The following FNDC3A variants were observed in gnomAD, a reference collection of about 807,000 sequenced individuals.
FNDC3A encodes the protein fibronectin type III domain containing 3A.
In FNDC3A, 32 loss-of-function variants were observed where a neutral mutation model predicts 148.9. The ratio of observed to expected loss-of-function variants is 0.21; its 90% CI spans 0.16 to 0.29. The LOEUF (loss-of-function observed/expected upper bound fraction) is 0.29. FNDC3A is among the 10% of genes least tolerant of loss of function. The probability of loss-of-function intolerance (pLI) is 1.00; values close to 1 mark genes in which losing one functional copy is unlikely to be tolerated. For synonymous variants in FNDC3A, 472 were observed against 473.6 expected (o/e 1.00, Z 0.04); for missense variants, 1,191 against 1,452.8 (o/e 0.82, Z 2.93).
intron 1 of FNDC3A, among the ~76,000 whole-genome samples, chr13:48,996,243 G>A (rs952037942): frequency 2.6e-5 from 4 of 152,110 alleles, no homozygotes; most frequent in Non-Finnish European, 5.9e-5. Context: ...TGATACAGTT[G>A]CTACTGTAAT....
At chr13:49,054,327 A>T (rs1219858206) in intron 2 of FNDC3A, among the ~76,000 whole-genome samples, 1 of 152,198 alleles carries the variant, frequency 6.6e-6, no homozygotes, top group Non-Finnish European at 1.5e-5. Context: ...ATTCATTTCC[A>T]TTAAAAAGAA....
chr13:49,160,940 T>G (rs1272882193), intron 8 of FNDC3A, among the ~76,000 whole-genome samples: 1 of 152,238 alleles, frequency 6.6e-6, no homozygotes, highest in Non-Finnish European at 1.5e-5. Flanking sequence ...TTGAGTGAGT[T>G]TCTTAATCCT....
chr13:49,105,106 GT>G (rs1188147245), intron 3 of FNDC3A, among the ~76,000 whole-genome samples: 2 of 152,136 alleles, frequency 1.3e-5, no homozygotes, highest in Non-Finnish European at 2.9e-5. Context: ...AGACTACCCA[GT>G]AGAAGAATAG....
At chr13:49,017,320 CTCT>C (rs1166546229) in intron 2 of FNDC3A, among the ~76,000 whole-genome samples, 1 of 152,150 alleles carries the variant, frequency 6.6e-6, no homozygotes, top group Non-Finnish European at 1.5e-5. Context: ...GGATAGTTAG[CTCT>C]TCTTGTTGAA....
chr13:49,017,756 T>C (rs968100571), intron 2 of FNDC3A, among the ~76,000 whole-genome samples: 5 of 152,110 alleles, frequency 3.3e-5, no homozygotes, highest in Non-Finnish European at 5.9e-5. Flanking sequence ...TTCCTTTCCA[T>C]GTTTAGCGCT....
intron 8 of FNDC3A, among the ~76,000 whole-genome samples, chr13:49,156,448 C>A (rs1414778439): frequency 6.6e-6 from 1 of 151,038 alleles, no homozygotes; most frequent in Non-Finnish European, 1.5e-5. Flanking sequence ...GAATACAGCA[C>A]ACTGATGGGT....
In FNDC3A at chr13:49,178,660, C is replaced by T. The variant is rs375316102; in HGVS notation, c.1617+6C>T. On this transcript the variant is annotated splice_donor_region_variant and intron_variant, in intron 14 of 25. Coordinates refer to ENST00000492622, the MANE Select transcript of FNDC3A (RefSeq NM_001079673.2). Reference sequence around the variant, plus strand: ...GTACTAAGTATAAATTTAAGGTAAGCTTTGAAAACCCTTAAACGATTTGTT... The same window carrying T: ...GTACTAAGTATAAATTTAAGGTAAGTTTTGAAAACCCTTAAACGATTTGTT... 1.4e-4 allele frequency: 199 copies of T among 1,460,002 alleles called. No homozygotes were observed. The highest frequency in any genetic ancestry group is 1.8e-4 in the Non-Finnish European group (195 of 1,069,326). 90.4% of individuals were successfully genotyped at this position (1,460,002 alleles called of 1,614,324 possible).
chr13:49,136,714 C>G, intron 6 of FNDC3A, 113 bp downstream of exon 6: 4 of 1,014,172 alleles, frequency 3.9e-6, no homozygotes, highest in Non-Finnish European at 5.7e-6. Flanking sequence ...TAGACTGTTA[C>G]AGGCTGCTGC....
At chr13:49,196,257 G>A (rs190620284) in intron 19 of FNDC3A, among the ~76,000 whole-genome samples, 98 of 152,188 alleles carry the variant, frequency 6.4e-4, no homozygotes, top group African/African-American at 2.0e-3. Context: ...AATGAGCTTT[G>A]AAAAATTGAT....
intron 16 of FNDC3A, among the ~76,000 whole-genome samples, chr13:49,188,260 A>G (rs79256820): frequency 2.0e-5 from 3 of 152,366 alleles, no homozygotes; most frequent in African/African-American, 7.2e-5. Flanking sequence ...AATTAAAAGT[A>G]AATTATCAAT....
rs74605853 is a variant in FNDC3A, at chr13:49,026,455, T to C, written c.99+20166T>C. ...GATAAAAATATTAAAGACATGCCAT[T>C]AGGCATTACAGACAGGGTAGTTGCT... On this transcript the variant is annotated intron_variant, in intron 2 of 25. Transcript: ENST00000492622. Among the ~76,000 whole-genome samples the C allele has an allele frequency of 3.1e-3, 471 of 152,352 alleles. 29 individuals are homozygous for C. The East Asian group carries it at 0.08, about 26-fold the overall frequency.
intron 2 of FNDC3A, among the ~76,000 whole-genome samples, chr13:49,007,464 C>G (rs1952242704): frequency 6.6e-6 from 1 of 151,992 alleles, no homozygotes. Flanking sequence ...TTGAGGTTGT[C>G]CAAGTGTCTT....
At chr13:48,991,370 A>G (rs1454560364) in intron 1 of FNDC3A, among the ~76,000 whole-genome samples, 2 of 152,200 alleles carry the variant, frequency 1.3e-5, no homozygotes, top group East Asian at 3.8e-4. Flanking sequence ...TTAAGAGGGC[A>G]TGCAATTATA....
intron 3 of FNDC3A, among the ~76,000 whole-genome samples, chr13:49,113,077 A>G (rs921486148): frequency 1.4e-4 from 13 of 95,588 alleles, no homozygotes; most frequent in African/African-American, 4.2e-4. Context: ...CCTTTCTCCT[A>G]TTTCTCCACA....
rs575822416 is a variant in FNDC3A at position 49,187,563 on chromosome 13, C to T, written c.1825+373C>T. 58 of 1,610,642 alleles carry T rather than the reference C, an allele frequency of 3.6e-5. No homozygotes were observed. In the African/African-American group the frequency reaches 5.8e-4, roughly 16 times the overall value. ...AGTACAAACACATCTTAGCTAGTAACGACCACTTGTTTTCCACTGAAAATG... is the reference window on the plus strand; with the variant it reads ...AGTACAAACACATCTTAGCTAGTAATGACCACTTGTTTTCCACTGAAAATG... On this transcript the variant is annotated intron_variant, in intron 16 of 25. Transcript: ENST00000492622.
intron 2 of FNDC3A, among the ~76,000 whole-genome samples, chr13:49,012,122 A>AT (rs879876451): frequency 4.5e-3 from 659 of 147,786 alleles, no homozygotes; most frequent in Non-Finnish European, 7.2e-3. Context: ...TTATTTATGG[A>AT]TTTTTTTTTT....
chr13:49,198,039 C>T lies in FNDC3A; in HGVS notation c.2548C>T (p.Pro850Ser), dbSNP rs374030195. 12 of 1,614,112 alleles carry T rather than the reference C, an allele frequency of 7.4e-6. No individual in the cohort carries two copies. The highest frequency in any genetic ancestry group is 1.0e-5 in the Non-Finnish European group (12 of 1,179,992). ...TGAAGTAGTAGCCTGTGTGACTCCA[C>T]CATCAGTTCCTGGCATTGTGACCTG... Reference protein sequence around the residue: ...FSEVVACVTPPSVPGIVTCLQ... With the variant: ...FSEVVACVTPSSVPGIVTCLQ... Residue 850 changes from proline (P) to serine (S), a missense_variant, in exon 22 of 26, where the codon CCA becomes TCA. Transcript: ENST00000492622.
intron 1 of FNDC3A, among the ~76,000 whole-genome samples, chr13:48,989,462 T>G (rs1257011092): frequency 6.6e-6 from 1 of 152,194 alleles, no homozygotes. Context: ...TTGAACATGT[T>G]AAATAGAGAT....
rs368037207 is a variant in FNDC3A, at chr13:48,981,163, C to CT, written c.-40+4993dup. The stretch of plus-strand genomic sequence containing the variant: ...TTAAGGAGAAATTCATGCCCTCCCT[C>CT]TTTTTTTGTGAATGCTTGAAACAGC... On this transcript the variant is annotated intron_variant, in intron 1 of 25. Coordinates refer to ENST00000492622, the MANE Select transcript of FNDC3A (RefSeq NM_001079673.2). 7.1e-3 allele frequency among the ~76,000 whole-genome samples: 1,083 copies of CT among 152,148 alleles called. 16 individuals are homozygous for CT. The highest frequency in any genetic ancestry group is 0.025 in the African/African-American group (1,024 of 41,532).
Sources: gnomAD v4.1 joint callset for allele counts (sites outside exome capture counted in the v4.1 genomes callset) on GRCh38, gnomAD v4.1.1 for gene constraint, MANE v1.5 for transcripts, NCBI Gene and HGNC (gene_info 2026-07-23, HGNC 2026-07-21) for gene names.